TSHZ3: variants seen among roughly 807,000 people sequenced by gnomAD.
The protein encoded by TSHZ3 is teashirt zinc finger homeobox 3.
In TSHZ3, 10 loss-of-function variants were observed where a neutral mutation model predicts 64.5. That is an observed-to-expected ratio of 0.16 (90% CI 0.10 to 0.26). The LOEUF (loss-of-function observed/expected upper bound fraction) is 0.26, where lower values mean the gene tolerates loss of function less well. Among genes scored for constraint, TSHZ3 ranks in the 10% least tolerant of loss-of-function variants. The pLI is 1.00. For synonymous variants in TSHZ3, 608 were observed against 593.1 expected (o/e 1.03, Z -0.36); for missense variants, 1,242 against 1,421.7 (o/e 0.87, Z 2.03).
intron 1 of TSHZ3, among the ~76,000 whole-genome samples, chr19:31,268,607 T>C (rs1324472011): frequency 6.6e-6 from 1 of 152,096 alleles, no homozygotes; most frequent in Non-Finnish European, 1.5e-5. Flanking sequence ...ATCACAGAGA[T>C]TACAGCCCTC....
chr19:31,308,161 C>T (rs1003199129), intron 1 of TSHZ3, among the ~76,000 whole-genome samples: 2 of 152,122 alleles, frequency 1.3e-5, no homozygotes, highest in Non-Finnish European at 2.9e-5. Flanking sequence ...CCAACAGTCT[C>T]GGGGCTGCTT....
At chr19:31,270,609 C>T (rs540869211), downstream of TSHZ3, among the ~76,000 whole-genome samples, 98 of 152,348 alleles carry the variant, frequency 6.4e-4, no homozygotes, top group Middle Eastern at 0.037. Context: ...GCCACTGTAC[C>T]TGGCCTTCCA....
intron 5 of TSHZ3, among the ~76,000 whole-genome samples, chr19:31,165,417 C>G (rs1360463070): frequency 6.6e-6 from 1 of 152,072 alleles, no homozygotes; most frequent in South Asian, 2.1e-4. Flanking sequence ...GCAAAATTTT[C>G]TTTTGCAAAA....
intron 1 of TSHZ3, among the ~76,000 whole-genome samples, chr19:31,336,871 C>T (rs962788923): frequency 2.6e-5 from 4 of 152,206 alleles, no homozygotes; most frequent in Non-Finnish European, 5.9e-5. Flanking sequence ...TCTCCAGCAT[C>T]GTCTTTGAAT....
chr19:31,210,653 T>A (rs762752176), intron 4 of TSHZ3, among the ~76,000 whole-genome samples: 3 of 152,116 alleles, frequency 2.0e-5, no homozygotes, highest in Non-Finnish European at 4.4e-5. Flanking sequence ...GAAGCTCTGA[T>A]CAAGAGCTGA....
intron 3 of TSHZ3, among the ~76,000 whole-genome samples, chr19:31,236,657 CA>C (rs1196444820): frequency 6.6e-6 from 1 of 152,018 alleles, no homozygotes; most frequent in Non-Finnish European, 1.5e-5. Context: ...ACACCATACA[CA>C]AAAATAAACT....
intron 5 of TSHZ3, among the ~76,000 whole-genome samples, chr19:31,166,498 G>A (rs1022774174): frequency 3.9e-5 from 6 of 152,154 alleles, no homozygotes; most frequent in African/African-American, 1.2e-4. Flanking sequence ...TCCCAGGAAG[G>A]CTGCAGCCAA....
At chr19:31,162,428 A>G (rs1011871366) in intron 5 of TSHZ3, among the ~76,000 whole-genome samples, 2 of 152,110 alleles carry the variant, frequency 1.3e-5, no homozygotes, top group Non-Finnish European at 2.9e-5. Flanking sequence ...GGAGGGGGAA[A>G]TTATTTCCTG....
intron 1 of TSHZ3, among the ~76,000 whole-genome samples, chr19:31,252,054 TG>T (rs1975851349): frequency 6.6e-6 from 1 of 152,184 alleles, no homozygotes. Flanking sequence ...CTGCGTAACC[TG>T]CAGATGTTTC....
chr19:31,226,673 C>T (rs1397343060), intron 4 of TSHZ3, among the ~76,000 whole-genome samples: 1 of 152,144 alleles, frequency 6.6e-6, no homozygotes, highest in Non-Finnish European at 1.5e-5. Context: ...TGAGCACCAA[C>T]CACAAGTCAA....
chr19:31,188,693 G>C (rs996291879), intron 5 of TSHZ3, among the ~76,000 whole-genome samples: 1 of 151,684 alleles, frequency 6.6e-6, no homozygotes, highest in Non-Finnish European at 1.5e-5. Flanking sequence ...CCATTTTTAT[G>C]TATATTTTGT....
intron 1 of TSHZ3, among the ~76,000 whole-genome samples, chr19:31,250,082 C>CCTGT (rs1001150808): frequency 2.8e-4 from 42 of 152,336 alleles, no homozygotes; most frequent in African/African-American, 1.0e-3. Context: ...CCGGGACACA[C>CCTGT]CTGTCGAGTG....
At chr19:31,207,989 G>A (rs1975208172) in intron 4 of TSHZ3, among the ~76,000 whole-genome samples, 1 of 152,190 alleles carries the variant, frequency 6.6e-6, no homozygotes, top group Non-Finnish European at 1.5e-5. Context: ...TTTATCATAA[G>A]TGCAACGAAT....
At chr19:31,314,144 T>C (rs1052722815) in intron 1 of TSHZ3, among the ~76,000 whole-genome samples, 1 of 152,116 alleles carries the variant, frequency 6.6e-6, no homozygotes, top group Non-Finnish European at 1.5e-5. Context: ...GCCTCCCTTG[T>C]CCCCTAGACA....
At chr19:31,158,998 T>C (rs193055194) in intron 5 of TSHZ3, among the ~76,000 whole-genome samples, 1 of 152,098 alleles carries the variant, frequency 6.6e-6, no homozygotes, top group Admixed American at 6.5e-5. Context: ...CTCTTCTACG[T>C]TTGTTTGTTT....
chr19:31,325,109 A>C (rs1239328413), intron 1 of TSHZ3, among the ~76,000 whole-genome samples: 3 of 152,210 alleles, frequency 2.0e-5, no homozygotes, highest in African/African-American at 7.2e-5. Flanking sequence ...GGAACTAAAC[A>C]TAGGTAGTAT....
intron 5 of TSHZ3, among the ~76,000 whole-genome samples, chr19:31,166,491 C>G (rs989950500): frequency 6.6e-6 from 1 of 152,118 alleles, no homozygotes; most frequent in Non-Finnish European, 1.5e-5. Flanking sequence ...AACTGGCTCC[C>G]AGGAAGGCTG....
At chr19:31,343,030 C>T (rs1917482504) in intron 1 of TSHZ3, among the ~76,000 whole-genome samples, 1 of 152,192 alleles carries the variant, frequency 6.6e-6, no homozygotes, top group Non-Finnish European at 1.5e-5. Flanking sequence ...CTAACAGTGT[C>T]TCTCTCCCCT....
rs750398873 is a variant in TSHZ3 at position 31,183,178 on chromosome 19, TTCTCTCTCTCTC to T, written n.809+21766_809+21777del. 1.9e-3 allele frequency among the ~76,000 whole-genome samples: 224 copies of T among 116,534 alleles called. 1 individual carries two copies. Among genetic ancestry groups the T allele is most frequent in the South Asian group, 7.5e-3 (24 of 3,202 alleles). 76.5% of individuals were successfully genotyped at this position (116,534 alleles called of 152,430 possible). ...AATCATGTGAGCCAATTCTATGAGA[TTCTCTCTCTCTC>T]TCTCTCTCTCTCTCTCTCTCTCTCT... On this transcript the variant is annotated intron_variant and non_coding_transcript_variant, in intron 5 of 6. Transcript: ENST00000651361.
Sources: gnomAD v4.1 joint callset for allele counts (sites outside exome capture counted in the v4.1 genomes callset) on GRCh38, gnomAD v4.1.1 for gene constraint, MANE v1.5 for transcripts, NCBI Gene and HGNC (gene_info 2026-07-23, HGNC 2026-07-21) for gene names.